TRIM5: variants seen among roughly 807,000 people sequenced by gnomAD.
TRIM5 encodes tripartite motif containing 5.
TRIM5 carries 31 observed loss-of-function variants against 35.6 expected under a neutral mutation model. The observed-to-expected ratio is 0.87, with a 90% confidence interval of 0.65 to 1.18. The LOEUF (loss-of-function observed/expected upper bound fraction) is 1.18. Ranked by LOEUF, TRIM5 falls within the 50% of genes most tolerant of loss-of-function variation. The probability of loss-of-function intolerance (pLI) is 0.00; values close to 1 mark genes in which losing one functional copy is unlikely to be tolerated. For missense variants in TRIM5, 609 were observed against 591.6 expected, an observed-to-expected ratio of 1.03 and a Z score of -0.31; for synonymous variants, 243 against 215.6, an observed-to-expected ratio of 1.13 and a Z score of -1.11.
the TRIM5 span, among the ~76,000 whole-genome samples, chr11:5,654,015 A>G: frequency 1.3e-4 from 20 of 151,844 alleles, no homozygotes; most frequent in South Asian, 1.2e-3. Flanking sequence ...GGCTCTTTTT[A>G]TGGTGTCTGT....
At chr11:5,637,218 CA>C in the TRIM5 span, among the ~76,000 whole-genome samples, 1 of 152,146 alleles carries the variant, frequency 6.6e-6, no homozygotes, top group African/African-American at 2.4e-5. Flanking sequence ...GTCTCCTCCA[CA>C]ATCCCATCTC....
chr11:5,666,290 A>C (rs1199229380), intron 5 of TRIM5: 1 of 659,150 alleles, frequency 1.5e-6, no homozygotes, highest in Non-Finnish European at 2.8e-6. Flanking sequence ...GAACGTGGGA[A>C]GATCTTAACC....
chr11:5,603,796 T>G, the TRIM5 span: 1 of 1,582,504 alleles, frequency 6.3e-7, no homozygotes, highest in Admixed American at 1.7e-5. Flanking sequence ...TTTTAACGTT[T>G]TATCATGCTC....
the TRIM5 span, chr11:5,595,469 A>G: frequency 1.3e-5 from 2 of 152,244 alleles, no homozygotes; most frequent in African/African-American, 4.8e-5. Flanking sequence ...ATCGTTTGGC[A>G]AAACATGCCA....
chr11:5,596,352 C>T, the TRIM5 span, among the ~76,000 whole-genome samples: 3 of 152,054 alleles, frequency 2.0e-5, no homozygotes, highest in Non-Finnish European at 4.4e-5. Flanking sequence ...AGAAGAGGCA[C>T]CTTTGCAGCT....
At chr11:5,658,257 T>C (rs1475024524), downstream of TRIM5, among the ~76,000 whole-genome samples, 3 of 152,212 alleles carry the variant, frequency 2.0e-5, no homozygotes, top group African/African-American at 4.8e-5. Context: ...AATGGACCGA[T>C]GCAGAGATTG....
chr11:5,651,705 T>C, the TRIM5 span, among the ~76,000 whole-genome samples: 2 of 152,240 alleles, frequency 1.3e-5, no homozygotes, highest in African/African-American at 4.8e-5. Flanking sequence ...TTGAGTACTT[T>C]GAGAAATTGC....
chr11:5,675,693 TTTTG>T (rs1437907166), intron 4 of TRIM5, among the ~76,000 whole-genome samples: 1 of 151,784 alleles, frequency 6.6e-6, no homozygotes, highest in Admixed American at 6.6e-5. Context: ...GTTGTGTTTT[TTTTG>T]TTTTTGTTTT....
In TRIM5 at chr11:5,664,448, G is replaced by C. The variant is rs1201034329; in HGVS notation, c.*361C>G. The C allele has an allele frequency of 9.8e-7, 1 of 1,022,854 alleles. No individual in the cohort carries two copies. The highest frequency in any genetic ancestry group is 1.7e-5 in the African/African-American group (1 of 58,024). The allele number at this position is 1,022,854 out of a possible 1,614,324, so 63.4% of individuals were successfully genotyped here. ...CATTGGTGAACAATTATCACACGAT[G>C]ATATAGAAAGGCTGTTGAAAAGCTT... On this transcript the variant is annotated 3_prime_UTR_variant, in exon 8 of 8. Coordinates refer to ENST00000380034, the MANE Select transcript of TRIM5 (RefSeq NM_033034.3).
the TRIM5 span, chr11:5,642,475 A>C: frequency 1.2e-6 from 2 of 1,613,968 alleles, no homozygotes; most frequent in Non-Finnish European, 1.7e-6. Context: ...TCCATGCTCC[A>C]GATCTGAGTA....
At chr11:5,614,008 G>T in the TRIM5 span, among the ~76,000 whole-genome samples, 1 of 152,112 alleles carries the variant, frequency 6.6e-6, no homozygotes, top group African/African-American at 2.4e-5. Flanking sequence ...AATTCTATAG[G>T]TAAGACCTGG....
the TRIM5 span, among the ~76,000 whole-genome samples, chr11:5,647,813 G>A: frequency 2.0e-5 from 3 of 152,088 alleles, no homozygotes; most frequent in South Asian, 2.1e-4. Context: ...GAACCACCAC[G>A]CCCGGCTGAG....
At chr11:5,597,457 TTA>T in the TRIM5 span, among the ~76,000 whole-genome samples, 2 of 152,354 alleles carry the variant, frequency 1.3e-5, no homozygotes, top group East Asian at 3.9e-4. Flanking sequence ...TTGAAACTGA[TTA>T]TGTTCCAATT....
intron 4 of TRIM5, among the ~76,000 whole-genome samples, chr11:5,668,400 G>A (rs1590232486): frequency 6.6e-6 from 1 of 152,086 alleles, no homozygotes; most frequent in East Asian, 1.9e-4. Context: ...TGTTTACGCG[G>A]CCTTTGCTGA....
the TRIM5 span, among the ~76,000 whole-genome samples, chr11:5,618,396 A>C: frequency 2.9e-4 from 44 of 152,236 alleles, no homozygotes; most frequent in East Asian, 7.1e-3. Flanking sequence ...ACAAACAAAT[A>C]GTCAAAGTAA....
the TRIM5 span, among the ~76,000 whole-genome samples, chr11:5,617,847 A>T: frequency 1.3e-3 from 185 of 137,750 alleles, 2 homozygotes; most frequent in South Asian, 4.0e-3. Flanking sequence ...TCCTTTTTTT[A>T]AAAAAAATGA....
chr11:5,603,197 C>T, the TRIM5 span: 3 of 1,575,636 alleles, frequency 1.9e-6, no homozygotes, highest in African/African-American at 1.4e-5. Flanking sequence ...TTCCCTTATT[C>T]TCCCTCCTTT....
At chr11:5,633,226 A>G in the TRIM5 span, among the ~76,000 whole-genome samples, 1 of 148,300 alleles carries the variant, frequency 6.7e-6, no homozygotes, top group East Asian at 2.0e-4. Flanking sequence ...AAAAGGAGTC[A>G]GCCCTTTTCA....
chr11:5,596,467 G>C, the TRIM5 span, among the ~76,000 whole-genome samples: 1 of 148,692 alleles, frequency 6.7e-6, no homozygotes, highest in East Asian at 2.0e-4. Context: ...AAACCATTTT[G>C]TCAGGCGTGG....
Sources: allele counts gnomAD v4.1 joint callset (sites outside exome capture counted in the v4.1 genomes callset), GRCh38; gene constraint gnomAD v4.1.1; transcripts MANE v1.5; gene names NCBI Gene and HGNC (gene_info 2026-07-23, HGNC 2026-07-21).